ERBB4: variants seen among roughly 807,000 people sequenced by gnomAD.
ERBB4 encodes the protein erb-b2 receptor tyrosine kinase 4.
A neutral mutation model predicts 158.0 loss-of-function variants in ERBB4; 42 were observed. That is an observed-to-expected ratio of 0.27 (90% CI 0.21 to 0.34). ERBB4 has a LOEUF of 0.34. Ranked by LOEUF, ERBB4 falls within the 10% of genes least tolerant of loss-of-function variation. ERBB4 has a pLI of 1.00. For synonymous variants in ERBB4, 583 were observed against 558.7 expected (o/e 1.04, Z -0.61); for missense variants, 1,333 against 1,624.1 (o/e 0.82, Z 3.08).
chr2:211,596,933 C>T (rs1574831443), intron 19 of ERBB4, among the ~76,000 whole-genome samples: 1 of 151,964 alleles, frequency 6.6e-6, no homozygotes, highest in Admixed American at 6.6e-5. Flanking sequence ...CCCAGCTAAT[C>T]TTTTGTATTT....
At chr2:211,592,009 C>CGAAG (rs1430042507) in intron 19 of ERBB4, among the ~76,000 whole-genome samples, 1 of 152,118 alleles carries the variant, frequency 6.6e-6, no homozygotes, top group African/African-American at 2.4e-5. Flanking sequence ...CTCTCGGCCC[C>CGAAG]GAAGACGGGG....
chr2:212,158,705 T>G (rs1171880117), intron 1 of ERBB4, among the ~76,000 whole-genome samples: 1 of 151,914 alleles, frequency 6.6e-6, no homozygotes, highest in African/African-American at 2.4e-5. Flanking sequence ...CACTTTTGTG[T>G]CCACCACGAG....
At chr2:211,402,818 A>G (rs1199179819) in intron 25 of ERBB4, among the ~76,000 whole-genome samples, 1 of 151,970 alleles carries the variant, frequency 6.6e-6, no homozygotes, top group Non-Finnish European at 1.5e-5. Flanking sequence ...CACCCCATCC[A>G]TCTTGATGTT....
At chr2:212,467,817 A>T (rs1489108481) in intron 1 of ERBB4, among the ~76,000 whole-genome samples, 1 of 152,230 alleles carries the variant, frequency 6.6e-6, no homozygotes, top group African/African-American at 2.4e-5. Flanking sequence ...TGCACTGTGC[A>T]CCTGGAAAAA....
intron 21 of ERBB4, 89 bp from the exon 22 acceptor site, chr2:211,428,572 CT>C (rs1239991741): frequency 1.4e-6 from 1 of 712,542 alleles, no homozygotes; most frequent in African/African-American, 1.8e-5. Context: ...TTGGGCTGGC[CT>C]TAATCATATT....
chr2:211,657,830 T>C lies in ERBB4; in HGVS notation c.1872-2A>G. Reference sequence around the variant, plus strand: ...TCATGACTAGTGGGACCGTTACACCTGCAGGCAATTACAGAACAGAAAACA... The same window carrying C: ...TCATGACTAGTGGGACCGTTACACCCGCAGGCAATTACAGAACAGAAAACA... On this transcript the variant is annotated splice_acceptor_variant, in intron 15 of 27. Coordinates refer to ENST00000342788, the MANE Select transcript of ERBB4 (RefSeq NM_005235.3). LOFTEE classifies it high-confidence loss of function. 3 of 1,613,666 alleles carry C rather than the reference T, an allele frequency of 1.9e-6. No individual in the cohort carries two copies. The highest frequency in any genetic ancestry group is 1.1e-5 in the South Asian group (1 of 91,076).
At position 211,623,904 on chromosome 2, in the gene ERBB4, G is replaced by A. The variant is rs1391063249; in HGVS notation, c.2202+18C>T. 1.2e-6 allele frequency: 2 copies of A among 1,613,058 alleles called. No individual in the cohort carries two copies. The highest frequency in any genetic ancestry group is 1.1e-5 in the South Asian group (1 of 91,052). ...TAAAACAAAACTTAACTAACGATATGCGTTGTTTTTTACTTACTTTATAAA... is the reference window on the plus strand; with the variant it reads ...TAAAACAAAACTTAACTAACGATATACGTTGTTTTTTACTTACTTTATAAA... On this transcript the variant is annotated intron_variant, in intron 18 of 27. Transcript: ENST00000342788.
At chr2:211,954,477 C>T (rs1445797995) in intron 2 of ERBB4, among the ~76,000 whole-genome samples, 1 of 152,044 alleles carries the variant, frequency 6.6e-6, no homozygotes, top group South Asian at 2.1e-4. Context: ...AAATTCTTAA[C>T]TTCTACTCCA....
chr2:212,486,709 T>C (rs894393248), intron 1 of ERBB4, among the ~76,000 whole-genome samples: 1 of 152,204 alleles, frequency 6.6e-6, no homozygotes, highest in Middle Eastern at 3.4e-3. Flanking sequence ...AAACAAATCA[T>C]CTCAGGGCAG....
intron 2 of ERBB4, among the ~76,000 whole-genome samples, chr2:212,036,062 T>C (rs1289730646): frequency 6.6e-6 from 1 of 152,176 alleles, no homozygotes; most frequent in African/African-American, 2.4e-5. Context: ...TGTTATCCAT[T>C]ATATATCAAT....
At chr2:212,048,387 G>C (rs1481345455) in intron 2 of ERBB4, among the ~76,000 whole-genome samples, 2 of 152,146 alleles carry the variant, frequency 1.3e-5, no homozygotes, top group Admixed American at 1.3e-4. Context: ...TGGAAATGGA[G>C]GAAGCTATAG....
intron 20 of ERBB4, among the ~76,000 whole-genome samples, chr2:211,511,356 T>C (rs1357080604): frequency 6.6e-6 from 1 of 152,060 alleles, no homozygotes; most frequent in African/African-American, 2.4e-5. Context: ...TATGATTGTG[T>C]TACATAGCAT....
At chr2:212,039,274 T>C (rs1425149001) in intron 2 of ERBB4, among the ~76,000 whole-genome samples, 3 of 152,172 alleles carry the variant, frequency 2.0e-5, no homozygotes, top group Admixed American at 6.6e-5. Context: ...GAATAATGAT[T>C]GTATACTTTC....
At chr2:211,730,274 CT>C (rs1359879400) in intron 5 of ERBB4, among the ~76,000 whole-genome samples, 1 of 151,834 alleles carries the variant, frequency 6.6e-6, no homozygotes, top group East Asian at 1.9e-4. Flanking sequence ...TTTATTGTTG[CT>C]TCCTAGCAAC....
intron 3 of ERBB4, among the ~76,000 whole-genome samples, chr2:211,901,203 T>G (rs191501476): frequency 1.2e-4 from 18 of 152,282 alleles, no homozygotes; most frequent in African/African-American, 4.3e-4. Flanking sequence ...TAGGTCTGTT[T>G]TTGTGAGCCC....
At chr2:211,889,420 A>G (rs2078903277) in intron 3 of ERBB4, among the ~76,000 whole-genome samples, 1 of 148,036 alleles carries the variant, frequency 6.8e-6, no homozygotes, top group African/African-American at 2.5e-5. Flanking sequence ...ATCAAAGACC[A>G]AAAGTAGATA....
At chr2:211,579,944 C>A (rs1022488304) in intron 19 of ERBB4, among the ~76,000 whole-genome samples, 1 of 152,054 alleles carries the variant, frequency 6.6e-6, no homozygotes, top group Non-Finnish European at 1.5e-5. Context: ...GCACATGTAG[C>A]CCAGAACTTA....
At chr2:212,172,881 T>C (rs999136761) in intron 1 of ERBB4, among the ~76,000 whole-genome samples, 3 of 152,134 alleles carry the variant, frequency 2.0e-5, no homozygotes, top group East Asian at 3.9e-4. Context: ...TAAACCATTA[T>C]GGCACACGTT....
chr2:211,479,165 T>C (rs2065025378), intron 20 of ERBB4, among the ~76,000 whole-genome samples: 1 of 151,878 alleles, frequency 6.6e-6, no homozygotes, highest in Non-Finnish European at 1.5e-5. Context: ...AGGTATGGAG[T>C]GGGGTCTTAA....
Sources: gnomAD v4.1 joint callset for allele counts (sites outside exome capture counted in the v4.1 genomes callset) on GRCh38, gnomAD v4.1.1 for gene constraint, MANE v1.5 for transcripts, NCBI Gene and HGNC (gene_info 2026-07-23, HGNC 2026-07-21) for gene names.